The following RSU1 variants were observed in gnomAD, a reference collection of about 807,000 sequenced individuals.
The protein encoded by RSU1 is Ras suppressor protein 1.
In RSU1, 26 loss-of-function variants were observed where a neutral mutation model predicts 31.1. The observed-to-expected ratio is 0.84, with a 90% CI of 0.61 to 1.16. RSU1 has a LOEUF of 1.16. Ranked by LOEUF, RSU1 falls within the 50% of genes most tolerant of loss-of-function variation. The probability of loss-of-function intolerance (pLI) is 0.00; values close to 1 mark genes in which losing one functional copy is unlikely to be tolerated. For synonymous variants in RSU1, 164 were observed against 136.3 expected (o/e 1.20, Z -1.41); for missense variants, 320 against 339.1 (o/e 0.94, Z 0.44).
chr10:16,720,233 G>A (rs1836225945), intron 7 of RSU1, among the ~76,000 whole-genome samples: 1 of 152,202 alleles, frequency 6.6e-6, no homozygotes, highest in African/African-American at 2.4e-5. Context: ...GCAACTGGCT[G>A]ATTATCCCTA....
rs559194651 is a variant in RSU1 at position 16,607,715 on chromosome 10, C to T, written c.732-14219G>A. 8.7e-4 allele frequency among the ~76,000 whole-genome samples: 133 copies of T among 152,310 alleles called. 1 individual carries two copies. Among genetic ancestry groups the T allele is most frequent in the African/African-American group, 2.9e-3 (120 of 41,572 alleles). ...GGTTGGGCATCTGAATGGAACTTAA[C>T]ATGCTTTGCCCAGGAACCCTGTAGA... On this transcript the variant is annotated intron_variant, in intron 8 of 8. Transcript: ENST00000345264.
intron 3 of RSU1, among the ~76,000 whole-genome samples, chr10:16,768,685 C>G (rs961436180): frequency 3.9e-5 from 6 of 152,206 alleles, no homozygotes; most frequent in Admixed American, 2.6e-4. Context: ...GCCTAACACA[C>G]CCGGCATGAC....
intron 8 of RSU1, among the ~76,000 whole-genome samples, chr10:16,594,783 A>ATAT (rs1469714730): frequency 7.0e-6 from 1 of 142,420 alleles, no homozygotes; most frequent in Non-Finnish European, 1.5e-5. Context: ...TATCATATAT[A>ATAT]TATATATTTT....
At chr10:16,790,688 G>A (rs1344746624) in intron 2 of RSU1, among the ~76,000 whole-genome samples, 1 of 152,112 alleles carries the variant, frequency 6.6e-6, no homozygotes, top group Non-Finnish European at 1.5e-5. Context: ...TGTGTTGAGG[G>A]AGGGACCTGG....
At chr10:16,753,732 CA>C (rs529637414) in intron 5 of RSU1, among the ~76,000 whole-genome samples, 1 of 152,130 alleles carries the variant, frequency 6.6e-6, no homozygotes, top group East Asian at 1.9e-4. Context: ...TATCTTCAAC[CA>C]AAAAAGCTGA....
At chr10:16,746,211 T>C (rs991956914) in intron 7 of RSU1, among the ~76,000 whole-genome samples, 6 of 152,216 alleles carry the variant, frequency 3.9e-5, no homozygotes, top group Admixed American at 6.5e-5. Flanking sequence ...ATGCTTCTCA[T>C]AGTTACTGTA....
intron 7 of RSU1, among the ~76,000 whole-genome samples, chr10:16,729,946 C>T (rs892554545): frequency 1.3e-5 from 2 of 152,140 alleles, no homozygotes; most frequent in African/African-American, 4.8e-5. Context: ...TAATGGAATA[C>T]TTGAGGCTGG....
chr10:16,623,088 T>G (rs541941399), intron 8 of RSU1, among the ~76,000 whole-genome samples: 1 of 152,338 alleles, frequency 6.6e-6, no homozygotes, highest in South Asian at 2.1e-4. Flanking sequence ...ATTTGTCACC[T>G]GGACAAAATG....
chr10:16,726,645 A>G (rs1309488792), intron 7 of RSU1, among the ~76,000 whole-genome samples: 1 of 152,198 alleles, frequency 6.6e-6, no homozygotes, highest in Non-Finnish European at 1.5e-5. Flanking sequence ...AAATGTTTTT[A>G]GCTTTCTGAA....
chr10:16,767,735 C>T (rs538875837), intron 3 of RSU1, among the ~76,000 whole-genome samples: 2 of 152,228 alleles, frequency 1.3e-5, no homozygotes, highest in South Asian at 2.1e-4. Context: ...ATACTTTGCA[C>T]ACACAGCATC....
At chr10:16,694,297 T>C (rs1835629776) in intron 8 of RSU1, among the ~76,000 whole-genome samples, 1 of 152,222 alleles carries the variant, frequency 6.6e-6, no homozygotes, top group South Asian at 2.1e-4. Flanking sequence ...CTCACTACAG[T>C]ACAAGCTTCT....
rs950211119 is a variant in RSU1 at position 16,698,062 on chromosome 10, G to C, written c.599-2907C>G. 1.9e-4 allele frequency among the ~76,000 whole-genome samples: 26 copies of C among 135,410 alleles called. No homozygotes were observed. The South Asian group carries it at 2.7e-3, about 14-fold the overall frequency. 88.8% of individuals were successfully genotyped at this position (135,410 alleles called of 152,430 possible). Reference sequence around the variant, plus strand: ...AAGAGGAGGGAAGTCAGCTACATTTGGGCACAGAGCAGCATTTCTCACCAC... The same window carrying C: ...AAGAGGAGGGAAGTCAGCTACATTTCGGCACAGAGCAGCATTTCTCACCAC... On this transcript the variant is annotated intron_variant, in intron 7 of 8. Coordinates refer to ENST00000345264, the MANE Select transcript of RSU1 (RefSeq NM_012425.4).
At chr10:16,618,531 A>AT (rs1307241843) in intron 8 of RSU1, among the ~76,000 whole-genome samples, 1 of 152,210 alleles carries the variant, frequency 6.6e-6, no homozygotes, top group African/African-American at 2.4e-5. Flanking sequence ...GCACACGTAT[A>AT]TTTACTGCAG....
At chr10:16,726,958 TGATG>T (rs1196565345) in intron 7 of RSU1, 1 of 425,462 alleles carries the variant, frequency 2.4e-6, no homozygotes, top group African/African-American at 2.0e-5. Context: ...TGACAGATTC[TGATG>T]ACTAAACTTG....
chr10:16,712,732 T>G (rs77920604), intron 7 of RSU1, among the ~76,000 whole-genome samples: 202 of 152,328 alleles, frequency 1.3e-3, no homozygotes, highest in African/African-American at 4.7e-3. Context: ...ACTAGAGGAT[T>G]GAGAGATTTA....
At chr10:16,816,952 G>A in intron 2 of RSU1, 21 bp downstream of exon 2, 1 of 1,534,928 alleles carries the variant, frequency 6.5e-7, no homozygotes, top group Non-Finnish European at 9.0e-7. Context: ...ATCCACGGGA[G>A]AGTCCTGCCC....
chr10:16,761,988 C>T (rs1837219192), intron 4 of RSU1, among the ~76,000 whole-genome samples: 1 of 152,140 alleles, frequency 6.6e-6, no homozygotes, highest in Admixed American at 6.5e-5. Flanking sequence ...TCCTGAAGAT[C>T]TCATCTGTGG....
At chr10:16,615,972 A>C (rs1282369359) in intron 8 of RSU1, among the ~76,000 whole-genome samples, 1 of 152,194 alleles carries the variant, frequency 6.6e-6, no homozygotes, top group African/African-American at 2.4e-5. Context: ...GAACTAGAGA[A>C]GCAAGAGCAT....
intron 3 of RSU1, among the ~76,000 whole-genome samples, chr10:16,776,877 A>T (rs1837543790): frequency 6.6e-6 from 1 of 150,504 alleles, no homozygotes; most frequent in Non-Finnish European, 1.5e-5. Flanking sequence ...TGTAAAGATG[A>T]GATGGCCATC....
Sources: gnomAD v4.1 joint callset for allele counts (sites outside exome capture counted in the v4.1 genomes callset) on GRCh38, gnomAD v4.1.1 for gene constraint, MANE v1.5 for transcripts, NCBI Gene and HGNC (gene_info 2026-07-23, HGNC 2026-07-21) for gene names.